Variants in ITPR2 observed in about 807,000 individuals in gnomAD.
ITPR2 encodes inositol 1,4,5-trisphosphate receptor type 2.
ITPR2 carries 207 observed loss-of-function variants against 317.1 expected under a neutral mutation model. The observed-to-expected ratio is 0.65, with a 90% CI of 0.58 to 0.73. The LOEUF is 0.73. Among genes scored for constraint, ITPR2 ranks in the 30% least tolerant of loss-of-function variants. The probability of loss-of-function intolerance (pLI) is 0.00; values close to 1 mark genes in which losing one functional copy is unlikely to be tolerated. For synonymous variants in ITPR2, 1,156 were observed against 1,149.1 expected (o/e 1.01, Z -0.12); for missense variants, 2,613 against 3,284.0 (o/e 0.80, Z 4.99).
Position 26,337,595 on chromosome 12 carries a change from C to T in ITPR2, c.*1802G>A, listed in dbSNP as rs1312760932. The T allele has an allele frequency of 6.6e-6, 1 of 152,188 alleles. No homozygotes were observed. The allele number at this position is 152,188 out of a possible 1,614,324, so 9.4% of individuals were successfully genotyped here. On this transcript the variant is annotated 3_prime_UTR_variant, in exon 57 of 57. Coordinates refer to ENST00000381340, the MANE Select transcript of ITPR2 (RefSeq NM_002223.4). Reference sequence around the variant, plus strand: ...AAGTTTTATAAAGAATTAAGAGTAACTGAATGACAGCTGAATTTCTCATGT... The same window carrying T: ...AAGTTTTATAAAGAATTAAGAGTAATTGAATGACAGCTGAATTTCTCATGT...
chr12:26,626,577 A>T lies in ITPR2; in HGVS notation c.3064+1456T>A, dbSNP rs1409166768. Among the ~76,000 whole-genome samples, 5 of 152,216 alleles carry T rather than the reference A, an allele frequency of 3.3e-5. No homozygotes were observed. The East Asian group carries it at 9.6e-4, about 29-fold the overall frequency. ...CTGGTTCTGCCATATCATTCCTGGA[A>T]ATAGCCCTTTGGGGTTCTACACTTC... On this transcript the variant is annotated intron_variant, in intron 23 of 56. Transcript: ENST00000381340.
At chr12:26,514,775 C>T (rs1401284555) in intron 37 of ITPR2, among the ~76,000 whole-genome samples, 1 of 147,068 alleles carries the variant, frequency 6.8e-6, no homozygotes, top group East Asian at 1.9e-4. Flanking sequence ...TTTGGTTACG[C>T]ACAATAATAA....
intron 42 of ITPR2, 118 bp downstream of exon 42, chr12:26,483,580 A>G: frequency 1.4e-6 from 1 of 716,728 alleles, no homozygotes; most frequent in South Asian, 1.7e-5. Context: ...TGTATGTTTT[A>G]TTAGGAAAGT....
chr12:26,342,494 C>CCGGGGG (rs1938153056), intron 55 of ITPR2, among the ~76,000 whole-genome samples: 1 of 29,018 alleles, frequency 3.4e-5, no homozygotes, highest in African/African-American at 1.9e-4. Context: ...TGGGTCACGG[C>CCGGGGG]GGTGGGGGGG....
rs185737358 is a variant in ITPR2 at position 26,551,271 on chromosome 12, G to A, written c.4965-916C>T. 2.3e-3 allele frequency among the ~76,000 whole-genome samples: 352 copies of A among 152,240 alleles called. 4 individuals carry two copies. Among genetic ancestry groups the A allele is most frequent in the African/African-American group, 7.8e-3 (325 of 41,538 alleles). On this transcript the variant is annotated intron_variant, in intron 36 of 56. Transcript: ENST00000381340. ...TACCAAGTGCTTATCAGGTGTCAGG[G>A]TCAAGTGTAAGGGCTTCCCAGGGAC...
At chr12:26,821,151 G>A (rs544293991) in intron 1 of ITPR2, among the ~76,000 whole-genome samples, 18 of 151,956 alleles carry the variant, frequency 1.2e-4, no homozygotes, top group Admixed American at 9.8e-4. Flanking sequence ...ATATTTTATC[G>A]CAATTTACTT....
At chr12:26,395,182 G>A (rs1433962188) in intron 54 of ITPR2, among the ~76,000 whole-genome samples, 1 of 152,104 alleles carries the variant, frequency 6.6e-6, no homozygotes, top group Non-Finnish European at 1.5e-5. Flanking sequence ...GAGACAAGGA[G>A]TCAAGGGCAA....
intron 37 of ITPR2, among the ~76,000 whole-genome samples, chr12:26,547,653 A>G (rs75119856): frequency 6.6e-6 from 1 of 152,202 alleles, no homozygotes; most frequent in Admixed American, 6.5e-5. Flanking sequence ...ATCAACCCAA[A>G]TGTCCCTTGA....
intron 9 of ITPR2, among the ~76,000 whole-genome samples, chr12:26,710,101 G>GT (rs1948620663): frequency 1.3e-5 from 2 of 152,146 alleles, no homozygotes; most frequent in African/African-American, 4.8e-5. Context: ...AGGCATGGTG[G>GT]TGTGAACCTG....
rs1462195653 is a variant in ITPR2, at chr12:26,631,894, G to A, written c.2906C>T (p.Thr969Ile). The change falls in exon 22 of 57, where the codon ACC (threonine) becomes ATC (isoleucine). Residue 969 changes from threonine (T) to isoleucine (I), a missense_variant. Thr to Ile is a moderately conservative substitution (Grantham distance 89). This residue lies in a region of ITPR2 where 817 missense variants were observed against 897.6 expected (regional missense o/e 0.91). Coordinates refer to ENST00000381340, the MANE Select transcript of ITPR2 (RefSeq NM_002223.4). ...CAAAATCTCAATGATCTTCAGCTTG[G>A]TGTCCATCACAGTCACATCCTCGTG... ...TEHEDVTVMD[T>I]KLKIIEILQF... 3.1e-6 allele frequency: 5 copies of A among 1,613,826 alleles called. No homozygotes were observed. In the East Asian group the frequency reaches 8.9e-5, roughly 29 times the overall value.
chr12:26,665,260 G>A (rs1429855979), intron 14 of ITPR2, among the ~76,000 whole-genome samples: 1 of 152,152 alleles, frequency 6.6e-6, no homozygotes, highest in African/African-American at 2.4e-5. Flanking sequence ...GGAAGCAGAT[G>A]GAGATGGCAC....
chr12:26,664,131 A>G (rs1947565539), intron 14 of ITPR2, among the ~76,000 whole-genome samples: 3 of 152,198 alleles, frequency 2.0e-5, no homozygotes, highest in Non-Finnish European at 4.4e-5. Context: ...AAGATGTTCA[A>G]TTTCACCAAG....
At chr12:26,637,451 G>A (rs1946888617) in intron 21 of ITPR2, among the ~76,000 whole-genome samples, 3 of 152,104 alleles carry the variant, frequency 2.0e-5, no homozygotes, top group Admixed American at 1.3e-4. Context: ...AATTTTTAAC[G>A]AGGTTTTGAA....
chr12:26,554,902 C>T (rs758975907), intron 36 of ITPR2, among the ~76,000 whole-genome samples: 13 of 151,948 alleles, frequency 8.6e-5, no homozygotes, highest in African/African-American at 3.1e-4. Flanking sequence ...TAATGAACTG[C>T]GCTCAACACC....
rs1459433599 is a variant in ITPR2, at chr12:26,337,419, T to G, written c.*1978A>C. On this transcript the variant is annotated 3_prime_UTR_variant, in exon 57 of 57. Coordinates refer to ENST00000381340, the MANE Select transcript of ITPR2 (RefSeq NM_002223.4). ...ACCTTTCTCTTCTATTCTCTATCCA[T>G]AAAACTCTGCCTGATTAAAATATTT... 4 of 152,220 alleles carry G rather than the reference T, an allele frequency of 2.6e-5. No homozygotes were observed. The highest frequency in any genetic ancestry group is 7.2e-5 in the African/African-American group (3 of 41,464). The allele number at this position is 152,220 out of a possible 1,614,324, so 9.4% of individuals were successfully genotyped here.
At chr12:26,352,999 A>C (rs1408653810) in intron 55 of ITPR2, among the ~76,000 whole-genome samples, 1 of 152,222 alleles carries the variant, frequency 6.6e-6, no homozygotes, top group Non-Finnish European at 1.5e-5. Context: ...ACCAACTAGC[A>C]CACCACTGAA....
chr12:26,535,322 T>C (rs1944059565), intron 37 of ITPR2, among the ~76,000 whole-genome samples: 1 of 152,228 alleles, frequency 6.6e-6, no homozygotes, highest in Admixed American at 6.5e-5. Flanking sequence ...ATGCTTCATA[T>C]GTTCTATTTA....
intron 37 of ITPR2, among the ~76,000 whole-genome samples, chr12:26,546,833 G>A (rs1251397596): frequency 3.3e-5 from 5 of 152,104 alleles, no homozygotes; most frequent in Non-Finnish European, 7.4e-5. Flanking sequence ...AAATGACACT[G>A]GGAAAATTGG....
intron 26 of ITPR2, among the ~76,000 whole-genome samples, chr12:26,620,033 G>A (rs993215785): frequency 6.6e-6 from 1 of 152,128 alleles, no homozygotes; most frequent in African/African-American, 2.4e-5. Context: ...TTCCTATGAT[G>A]CACTTTATTA....
Sources: allele counts gnomAD v4.1 joint callset (sites outside exome capture counted in the v4.1 genomes callset), GRCh38; gene constraint gnomAD v4.1.1; regional missense constraint gnomAD v4.1.1; transcripts MANE v1.5; gene names NCBI Gene and HGNC (gene_info 2026-07-23, HGNC 2026-07-21).